WDFY1: variants seen among roughly 807,000 people sequenced by gnomAD.
The protein encoded by WDFY1 is WD repeat and FYVE domain-containing protein 1.
Under a neutral mutation model 56.4 loss-of-function variants are expected in WDFY1, and 32 were observed. The ratio of observed to expected loss-of-function variants is 0.57; its 90% CI spans 0.43 to 0.76. The LOEUF (loss-of-function observed/expected upper bound fraction) is 0.76. Ranked by LOEUF, WDFY1 falls within the 30% of genes least tolerant of loss-of-function variation. The pLI is 0.00. For synonymous variants in WDFY1, 192 were observed against 197.3 expected, an observed-to-expected ratio of 0.97 and a Z score of 0.23; for missense variants, 480 against 545.7, an observed-to-expected ratio of 0.88 and a Z score of 1.20.
chr2:223,882,266 C>T (rs545571382), intron 9 of WDFY1, among the ~76,000 whole-genome samples, 194 bp from the exon 10 acceptor site: 86 of 152,280 alleles, frequency 5.6e-4, no homozygotes, highest in African/African-American at 2.0e-3. Flanking sequence ...AGGTGCCTGT[C>T]ACCACGCCTG....
chr2:223,883,731 C>T (rs972747507), intron 9 of WDFY1, among the ~76,000 whole-genome samples: 3 of 152,150 alleles, frequency 2.0e-5, no homozygotes, highest in Non-Finnish European at 2.9e-5. Context: ...CCGCAACCTC[C>T]GCTTCCTGGG....
At chr2:223,940,058 T>C (rs1329259683) in intron 1 of WDFY1, among the ~76,000 whole-genome samples, 1 of 152,238 alleles carries the variant, frequency 6.6e-6, no homozygotes, top group East Asian at 1.9e-4. Flanking sequence ...TACTGGCTCA[T>C]GCCTGTAATC....
chr2:223,910,079 G>A (rs1693668453), intron 3 of WDFY1, among the ~76,000 whole-genome samples: 1 of 151,976 alleles, frequency 6.6e-6, no homozygotes, highest in African/African-American at 2.4e-5. Flanking sequence ...CTATAACATT[G>A]ACTTCTGGAA....
At chr2:223,931,452 GATC>G (rs1399366785) in intron 1 of WDFY1, among the ~76,000 whole-genome samples, 3 of 152,138 alleles carry the variant, frequency 2.0e-5, no homozygotes, top group Non-Finnish European at 2.9e-5. Flanking sequence ...TATGCCTGAT[GATC>G]ATAATAAGTA....
chr2:223,916,386 A>G (rs1033177385), intron 2 of WDFY1, among the ~76,000 whole-genome samples: 1 of 152,216 alleles, frequency 6.6e-6, no homozygotes, highest in African/African-American at 2.4e-5. Context: ...AACAAACTCC[A>G]CAGCCCTGGA....
At chr2:223,902,507 T>C (rs534958721) in intron 4 of WDFY1, among the ~76,000 whole-genome samples, 21 of 152,216 alleles carry the variant, frequency 1.4e-4, no homozygotes, top group African/African-American at 4.8e-4. Context: ...GGAGGTTACA[T>C]TGAGCTATGA....
intron 3 of WDFY1, among the ~76,000 whole-genome samples, chr2:223,908,959 G>C (rs1693645596): frequency 6.6e-6 from 1 of 152,128 alleles, no homozygotes; most frequent in Non-Finnish European, 1.5e-5. Flanking sequence ...CACCACCCCA[G>C]TATTTCATGA....
intron 1 of WDFY1, among the ~76,000 whole-genome samples, chr2:223,932,015 T>A (rs1479945934): frequency 6.7e-6 from 1 of 150,070 alleles, no homozygotes; most frequent in African/African-American, 2.5e-5. Context: ...TTTTTCCCCA[T>A]ACCAGAAAGG....
chr2:223,919,242 A>T (rs1166503399), intron 1 of WDFY1, among the ~76,000 whole-genome samples: 2 of 151,872 alleles, frequency 1.3e-5, no homozygotes, highest in East Asian at 3.9e-4. Flanking sequence ...ACAGTGTCTC[A>T]CTCTGTCACC....
rs34583399 is a variant in WDFY1 at position 223,926,852 on chromosome 2, G to GA, written c.138-8843dup. Among the ~76,000 whole-genome samples, 11 of 152,166 alleles carry GA rather than the reference G, an allele frequency of 7.2e-5. No individual in the cohort carries two copies. The South Asian group carries it at 2.1e-3, about 29-fold the overall frequency. ...CTGGCTAATTTTTGTATTTTTAGTAGAGCCGGGATTTTGCCATGTTGGCCA... is the reference window on the plus strand; with the variant it reads ...CTGGCTAATTTTTGTATTTTTAGTAGAAGCCGGGATTTTGCCATGTTGGCCA... On this transcript the variant is annotated intron_variant, in intron 1 of 11. Coordinates refer to ENST00000233055, the MANE Select transcript of WDFY1 (RefSeq NM_020830.5).
chr2:223,905,603 CAAT>C (rs1172104418), intron 4 of WDFY1, among the ~76,000 whole-genome samples: 2 of 152,012 alleles, frequency 1.3e-5, no homozygotes, highest in African/African-American at 4.8e-5. Flanking sequence ...TACACACACA[CAAT>C]GTGTATACAC....
chr2:223,914,027 C>T (rs147621449), intron 2 of WDFY1, among the ~76,000 whole-genome samples: 1,628 of 98,650 alleles, frequency 0.017, 29 homozygotes, highest in African/African-American at 0.062. Flanking sequence ...GAGATGGTGT[C>T]TTGCTGTCAC....
chr2:223,904,021 A>G (rs1183893335), intron 4 of WDFY1, among the ~76,000 whole-genome samples: 2 of 152,206 alleles, frequency 1.3e-5, no homozygotes, highest in Admixed American at 6.5e-5. Context: ...ACTCGTAGGT[A>G]TATACCTCAT....
intron 11 of WDFY1, among the ~76,000 whole-genome samples, chr2:223,879,270 AAATT>A (rs1477018527): frequency 6.6e-6 from 1 of 152,266 alleles, no homozygotes; most frequent in Non-Finnish European, 1.5e-5. Flanking sequence ...TTACACATAA[AAATT>A]AAATCATAAT....
chr2:223,894,009 C>A (rs1339217566), intron 8 of WDFY1, among the ~76,000 whole-genome samples: 1 of 152,214 alleles, frequency 6.6e-6, no homozygotes, highest in African/African-American at 2.4e-5. Flanking sequence ...AGCCTAAACG[C>A]TGATTGTATA....
intron 2 of WDFY1, among the ~76,000 whole-genome samples, chr2:223,916,741 A>G (rs534833384): frequency 1.3e-5 from 2 of 151,472 alleles, no homozygotes; most frequent in South Asian, 4.2e-4. Context: ...GGAGACAAGG[A>G]TGGTGACGCT....
intron 2 of WDFY1, among the ~76,000 whole-genome samples, chr2:223,914,814 A>G (rs931556543): frequency 6.6e-6 from 1 of 152,242 alleles, no homozygotes. Context: ...AGTACACAGT[A>G]AAGATAGAAG....
intron 1 of WDFY1, among the ~76,000 whole-genome samples, chr2:223,938,751 T>C (rs553234952): frequency 6.6e-5 from 10 of 152,184 alleles, no homozygotes; most frequent in African/African-American, 2.2e-4. Context: ...TCTAGCTTTG[T>C]CATATGCAGT....
At chr2:223,881,635 C>T (rs1215010996) in intron 10 of WDFY1, among the ~76,000 whole-genome samples, 1 of 151,928 alleles carries the variant, frequency 6.6e-6, no homozygotes, top group Admixed American at 6.6e-5. Flanking sequence ...ACTAAAACTA[C>T]AAAAATTAGC....
Sources: allele counts gnomAD v4.1 joint callset (sites outside exome capture counted in the v4.1 genomes callset), GRCh38; gene constraint gnomAD v4.1.1; transcripts MANE v1.5; gene names NCBI Gene and HGNC (gene_info 2026-07-23, HGNC 2026-07-21).